The following CNTN4 variants were observed in gnomAD, a reference collection of about 807,000 sequenced individuals.
The protein encoded by CNTN4 is contactin 4, also known as contactin-4.
A neutral mutation model predicts 122.5 loss-of-function variants in CNTN4; 77 were observed. The ratio of observed to expected loss-of-function variants is 0.63; its 90% CI spans 0.52 to 0.76. CNTN4 has a LOEUF of 0.76. CNTN4 is among the 30% of genes least tolerant of loss of function. The pLI, the probability that CNTN4 is intolerant of heterozygous loss-of-function variation, is 0.00. For synonymous variants in CNTN4, 512 were observed against 447.0 expected (o/e 1.15, Z -1.83); for missense variants, 1,256 against 1,259.1 (o/e 1.00, Z 0.04).
chr3:2,722,748 C>CA (rs2087941513), intron 4 of CNTN4, among the ~76,000 whole-genome samples: 1 of 152,138 alleles, frequency 6.6e-6, no homozygotes, highest in African/African-American at 2.4e-5. Context: ...TACCTTATGA[C>CA]AAAATGACAT....
intron 4 of CNTN4, among the ~76,000 whole-genome samples, chr3:2,634,120 A>C (rs759026794): frequency 3.2e-4 from 48 of 152,248 alleles, no homozygotes; most frequent in Non-Finnish European, 6.0e-4. Flanking sequence ...TTAAGGAATT[A>C]AAAATGTATT....
chr3:2,180,653 T>C (rs539867003), intron 2 of CNTN4, among the ~76,000 whole-genome samples: 1 of 152,200 alleles, frequency 6.6e-6, no homozygotes, highest in Non-Finnish European at 1.5e-5. Flanking sequence ...TGAAAGCTTG[T>C]TCTTTCCAGC....
intron 4 of CNTN4, among the ~76,000 whole-genome samples, chr3:2,690,089 G>A (rs892119909): frequency 1.3e-5 from 2 of 152,074 alleles, no homozygotes; most frequent in Non-Finnish European, 2.9e-5. Context: ...ATGTCCTCTT[G>A]TCTTTATAAT....
In CNTN4 at chr3:2,866,959, C is replaced by G; in HGVS notation, c.652+10C>G. Reference sequence around the variant, plus strand: ...ATATTGAGAAATGATGGTGAGTTTTCAAGTAATTTTGTTAATTTTGTTTCT... The same window carrying G: ...ATATTGAGAAATGATGGTGAGTTTTGAAGTAATTTTGTTAATTTTGTTTCT... On this transcript the variant is annotated intron_variant, in intron 8 of 24. Transcript: ENST00000418658. The G allele has an allele frequency of 1.2e-6, 2 of 1,612,054 alleles. No individual in the cohort carries two copies. Among genetic ancestry groups the G allele is most frequent in the Non-Finnish European group, 1.7e-6 (2 of 1,178,418 alleles).
At chr3:2,185,072 A>G (rs1445222443) in intron 2 of CNTN4, among the ~76,000 whole-genome samples, 2 of 152,148 alleles carry the variant, frequency 1.3e-5, no homozygotes, top group African/African-American at 4.8e-5. Context: ...TTCAGTGTCC[A>G]CACCACTCAA....
intron 6 of CNTN4, among the ~76,000 whole-genome samples, chr3:2,793,595 A>G (rs559973940): frequency 6.6e-6 from 1 of 152,230 alleles, no homozygotes; most frequent in Admixed American, 6.5e-5. Context: ...AATCACTGCT[A>G]TTTGAGGGAT....
At chr3:2,441,673 A>G (rs546777766) in intron 3 of CNTN4, among the ~76,000 whole-genome samples, 41 of 152,318 alleles carry the variant, frequency 2.7e-4, no homozygotes, top group African/African-American at 9.6e-4. Flanking sequence ...TTAGCCCTGC[A>G]GTGTGACTAA....
At chr3:2,506,139 G>A (rs948714668) in intron 3 of CNTN4, among the ~76,000 whole-genome samples, 1 of 152,016 alleles carries the variant, frequency 6.6e-6, no homozygotes. Flanking sequence ...CATCTGCACC[G>A]GATCTAAGGA....
chr3:2,512,849 C>G (rs2076928853), intron 3 of CNTN4, among the ~76,000 whole-genome samples: 1 of 152,122 alleles, frequency 6.6e-6, no homozygotes, highest in Non-Finnish European at 1.5e-5. Context: ...CAGTAAGTCT[C>G]AAGGCAGAGA....
intron 14 of CNTN4, 175 bp downstream of exon 14, chr3:2,988,647 G>A: frequency 1.5e-6 from 1 of 671,050 alleles, no homozygotes; most frequent in South Asian, 1.8e-5. Flanking sequence ...TGCTGGTAAT[G>A]AATATGATTG....
At chr3:2,778,020 C>T (rs946863764) in intron 6 of CNTN4, among the ~76,000 whole-genome samples, 3 of 151,594 alleles carry the variant, frequency 2.0e-5, no homozygotes, top group Admixed American at 1.3e-4. Context: ...CGAGGCCATC[C>T]TGGCTAACAC....
chr3:2,872,338 T>G (rs1367233782), intron 8 of CNTN4, among the ~76,000 whole-genome samples: 1 of 152,236 alleles, frequency 6.6e-6, no homozygotes, highest in Admixed American at 6.5e-5. Flanking sequence ...TCTGTTACAC[T>G]GTTTATGCAC....
At chr3:2,193,121 T>C (rs1174560769) in intron 2 of CNTN4, among the ~76,000 whole-genome samples, 1 of 152,194 alleles carries the variant, frequency 6.6e-6, no homozygotes, top group Non-Finnish European at 1.5e-5. Context: ...CATATTCTCC[T>C]GCAACACAAG....
chr3:2,687,083 A>G (rs1036352412), intron 4 of CNTN4, among the ~76,000 whole-genome samples: 1 of 152,194 alleles, frequency 6.6e-6, no homozygotes, highest in African/African-American at 2.4e-5. Flanking sequence ...AATAGGGAAC[A>G]GTGATTTTTC....
chr3:2,744,561 C>G (rs1465815495), intron 5 of CNTN4, among the ~76,000 whole-genome samples: 2 of 152,170 alleles, frequency 1.3e-5, no homozygotes, highest in Non-Finnish European at 2.9e-5. Flanking sequence ...TCCTACTATG[C>G]TATTTTCGTT....
chr3:2,846,704 AT>A (rs1559574181), intron 7 of CNTN4, among the ~76,000 whole-genome samples: 1 of 152,178 alleles, frequency 6.6e-6, no homozygotes, highest in African/African-American at 2.4e-5. Context: ...AGAATAACTG[AT>A]TTTTATTCCC....
chr3:2,120,801 G>A (rs2033722875), intron 2 of CNTN4, among the ~76,000 whole-genome samples: 1 of 135,872 alleles, frequency 7.4e-6, no homozygotes, highest in African/African-American at 2.5e-5. Context: ...AAAACTGAGT[G>A]AAATACTGTC....
intron 10 of CNTN4, among the ~76,000 whole-genome samples, chr3:2,888,440 G>C (rs1415175437): frequency 6.6e-6 from 1 of 151,926 alleles, no homozygotes; most frequent in African/African-American, 2.4e-5. Flanking sequence ...CACCAACACA[G>C]AATGGTTCTG....
chr3:2,447,330 A>G (rs1390785312), intron 3 of CNTN4, among the ~76,000 whole-genome samples: 13 of 152,164 alleles, frequency 8.5e-5, no homozygotes. Context: ...CATTCTAATT[A>G]TCTAATGTCT....
Sources: allele counts gnomAD v4.1 joint callset (sites outside exome capture counted in the v4.1 genomes callset), GRCh38; gene constraint gnomAD v4.1.1; transcripts MANE v1.5; gene names NCBI Gene and HGNC (gene_info 2026-07-23, HGNC 2026-07-21).